The following CA5A variants were observed in gnomAD, a reference collection of about 807,000 sequenced individuals.
CA5A encodes carbonic anhydrase 5A.
CA5A carries 28 observed loss-of-function variants against 37.1 expected under a neutral mutation model. That is an observed-to-expected ratio of 0.75 (90% CI 0.56 to 1.03). CA5A has a LOEUF of 1.03. Among genes scored for constraint, CA5A ranks in the 50% least tolerant of loss-of-function variants. The pLI, the probability that CA5A is intolerant of heterozygous loss-of-function variation, is 0.00. For missense variants in CA5A, 444 were observed against 399.9 expected (o/e 1.11, Z -0.94); for synonymous variants, 171 against 158.4 (o/e 1.08, Z -0.60).
Position 87,914,441 on chromosome 16 carries a change from C to T in CA5A, c.341-9537G>A, listed in dbSNP as rs369975256. ...GCTAGCCACGCGGCGGGTGCAGATG[C>T]GGACCCCCAGCCCCACGAGCTTGCA... On this transcript the variant is annotated intron_variant, in intron 2 of 6. Coordinates refer to ENST00000649794, the MANE Select transcript of CA5A (RefSeq NM_001739.2). Among the ~76,000 whole-genome samples, 593 of 152,328 alleles carry T rather than the reference C, an allele frequency of 3.9e-3. 4 individuals are homozygous for T. Among genetic ancestry groups the T allele is most frequent in the African/African-American group, 0.013 (535 of 41,566 alleles).
intron 1 of CA5A, among the ~76,000 whole-genome samples, chr16:87,930,537 A>G (rs1449058560): frequency 1.3e-5 from 2 of 151,914 alleles, no homozygotes; most frequent in East Asian, 3.9e-4. Flanking sequence ...CTTCCCTATT[A>G]AAGTGGACGT....
At chr16:87,936,171 TA>T (rs57177923) in intron 1 of CA5A, 137 bp downstream of exon 1, 73,318 of 431,268 alleles carry the variant, frequency 0.17, 601 homozygotes, top group African/African-American at 0.19. Context: ...GACGCCATCT[TA>T]AAAAAAAAAA....
chr16:87,919,524 G>T (rs1392804025), intron 2 of CA5A, among the ~76,000 whole-genome samples: 1 of 152,034 alleles, frequency 6.6e-6, no homozygotes, highest in East Asian at 1.9e-4. Context: ...CCCCGTGAGT[G>T]TCCCCTGGGG....
At chr16:87,893,387 A>T (rs936144355) in intron 5 of CA5A, 1 of 450,372 alleles carries the variant, frequency 2.2e-6, no homozygotes, top group African/African-American at 2.0e-5. Flanking sequence ...TCGGCCTCCC[A>T]AAGTGTTGGG....
chr16:87,926,883 T>C lies in CA5A; in HGVS notation c.205A>G (p.Ile69Val). The C allele has an allele frequency of 1.2e-6, 2 of 1,611,676 alleles. No individual in the cohort carries two copies. Among genetic ancestry groups the C allele is most frequent in the Non-Finnish European group, 1.7e-6 (2 of 1,178,796 alleles). ...TCATAGACGCTGTCCCTCCACTGGA[T>C]GTTAATAGGAGACTGCCGGGTGCCC... ...PGGTRQSPIN[I>V]QWRDSVYDPQ... Residue 69 changes from isoleucine to valine, a missense_variant, in exon 2 of 7, where the codon ATC (isoleucine) becomes GTC (valine). Physicochemically the swap from Ile to Val is conservative, Grantham distance 29. Coordinates refer to ENST00000649794, the MANE Select transcript of CA5A (RefSeq NM_001739.2).
intron 2 of CA5A, among the ~76,000 whole-genome samples, chr16:87,922,830 C>G (rs1421561351): frequency 1.3e-5 from 2 of 152,268 alleles, no homozygotes; most frequent in East Asian, 3.9e-4. Flanking sequence ...TAAACGGTGC[C>G]TGCTCCCCAG....
chr16:87,921,149 G>A (rs144371723), intron 2 of CA5A, among the ~76,000 whole-genome samples: 144 of 151,616 alleles, frequency 9.5e-4, no homozygotes, highest in African/African-American at 3.1e-3. Flanking sequence ...GTCTGGTCTC[G>A]AACTCCTGAC....
intron 2 of CA5A, among the ~76,000 whole-genome samples, chr16:87,917,258 A>C (rs2056159147): frequency 6.6e-6 from 1 of 152,174 alleles, no homozygotes; most frequent in Non-Finnish European, 1.5e-5. Flanking sequence ...TGGGCACTCA[A>C]ACCATGCTGG....
rs2056318260 is a variant in CA5A at position 87,926,808 on chromosome 16, A to T, written c.280T>A (p.Tyr94Asn). Residue 94 changes from tyrosine to asparagine, a missense_variant, in exon 2 of 7, where the codon TAC (tyrosine) becomes AAC (asparagine). By Grantham distance (143) the Tyr-to-Asn change is moderately radical. Coordinates refer to ENST00000649794, the MANE Select transcript of CA5A (RefSeq NM_001739.2). Reference sequence around the variant, plus strand: ...AAGAGGTAGCCAGTGTTCCAGATGTACAGGCAGGATGCCGCTTCATAGGAG... The same window carrying T: ...AAGAGGTAGCCAGTGTTCCAGATGTTCAGGCAGGATGCCGCTTCATAGGAG... ...RVSYEAASCL[Y>N]IWNTGYLFQV... 6.2e-7 allele frequency: 1 copy of T among 1,614,094 alleles called. No individual in the cohort carries two copies.
At chr16:87,926,379 G>A (rs778318616) in intron 2 of CA5A, among the ~76,000 whole-genome samples, 1 of 152,192 alleles carries the variant, frequency 6.6e-6, no homozygotes, top group African/African-American at 2.4e-5. Context: ...TGGGCGTCCA[G>A]CCACCGCTGC....
intron 3 of CA5A, 72 bp from the exon 4 acceptor site, chr16:87,902,592 C>G (rs1316570432): frequency 2.4e-6 from 2 of 832,440 alleles, no homozygotes; most frequent in African/African-American, 1.7e-5. Context: ...TTCTGAATGG[C>G]TGACCTATGT....
In CA5A at chr16:87,888,233, C is replaced by T; in HGVS notation, c.814G>A (p.Glu272Lys). 2 of 1,613,880 alleles carry T rather than the reference C, an allele frequency of 1.2e-6. No homozygotes were observed. Among genetic ancestry groups the T allele is most frequent in the Non-Finnish European group, 1.7e-6 (2 of 1,179,828 alleles). ...FRTLLFSALG[E>K]EEKMMVNNYR... ...TTGTTCACCATCATCTTCTCCTCTT[C>T]ACCAAGTGCAGAAAACAGGAGAGTA... Residue 272 changes from glutamate (E) to lysine (K), a missense_variant, in exon 7 of 7, where the codon GAA (glutamate) becomes AAA (lysine). Coordinates refer to ENST00000649794, the MANE Select transcript of CA5A (RefSeq NM_001739.2).
chr16:87,904,727 C>T (rs1265368281), intron 3 of CA5A, 59 bp downstream of exon 3: 2 of 1,059,472 alleles, frequency 1.9e-6, no homozygotes, highest in East Asian at 2.4e-5. Context: ...CACCCCCCAC[C>T]ATAGAGCCGG....
rs539227866 is a variant in CA5A, at chr16:87,888,565, G to T, written c.775-293C>A. On this transcript the variant is annotated intron_variant, in intron 6 of 6. Transcript: ENST00000649794. ...AGGGAGAGGAACTGAGGCTCCCAGC[G>T]AACTGCCAGCACCAACTTGCTAGCT... is the stretch of plus-strand genomic sequence containing the variant. Among the ~76,000 whole-genome samples, 455 of 152,200 alleles carry T rather than the reference G, an allele frequency of 3.0e-3. 1 individual carries two copies. The highest frequency in any genetic ancestry group is 5.4e-3 in the Non-Finnish European group (369 of 68,004).
intron 5 of CA5A, among the ~76,000 whole-genome samples, chr16:87,895,163 T>C (rs1316152844): frequency 1.4e-4 from 22 of 152,170 alleles, no homozygotes; most frequent in Non-Finnish European, 3.2e-4. Context: ...GGTGGGAGGA[T>C]GGCTTGAGCC....
chr16:87,908,136 G>A (rs780116745), intron 2 of CA5A, among the ~76,000 whole-genome samples: 2 of 152,114 alleles, frequency 1.3e-5, no homozygotes, highest in Non-Finnish European at 2.9e-5. Context: ...CAGTGGAATC[G>A]AGCCTTTCCC....
chr16:87,902,039 C>T (rs2055886380), intron 4 of CA5A, 65 bp from the exon 5 acceptor site: 6 of 1,384,098 alleles, frequency 4.3e-6, no homozygotes, highest in Admixed American at 3.4e-5. Context: ...GCTCACTCCA[C>T]TGTAAATACA....
intron 1 of CA5A, among the ~76,000 whole-genome samples, chr16:87,929,112 A>G (rs2056359946): frequency 6.7e-6 from 1 of 150,134 alleles, no homozygotes; most frequent in African/African-American, 2.4e-5. Context: ...CAGAATCACT[A>G]GGTCAAAGGG....
At chr16:87,912,479 G>A (rs1176834574) in intron 2 of CA5A, among the ~76,000 whole-genome samples, 3 of 152,214 alleles carry the variant, frequency 2.0e-5, no homozygotes, top group African/African-American at 7.2e-5. Flanking sequence ...ATAAGAAAGG[G>A]CTTTGCCAAC....
Sources: gnomAD v4.1 joint callset for allele counts (sites outside exome capture counted in the v4.1 genomes callset) on GRCh38, gnomAD v4.1.1 for gene constraint, MANE v1.5 for transcripts, NCBI Gene and HGNC (gene_info 2026-07-23, HGNC 2026-07-21) for gene names.